Variants in CRACDL observed in about 807,000 individuals in gnomAD.
CRACDL encodes CRACD like, also known as CRACD-like protein.
In CRACDL, 26 loss-of-function variants were observed where a neutral mutation model predicts 70.6. That is an observed-to-expected ratio of 0.37 (90% CI 0.27 to 0.51). The LOEUF is 0.51. Ranked by LOEUF, CRACDL falls within the 20% of genes least tolerant of loss-of-function variation. CRACDL has a pLI of 0.94. For synonymous variants in CRACDL, 618 were observed against 615.2 expected (o/e 1.00, Z -0.07); for missense variants, 1,283 against 1,376.9 (o/e 0.93, Z 1.08).
In CRACDL at chr2:98,794,426, A is replaced by G; in HGVS notation, c.*106T>C. 1 of 1,066,296 alleles carries G rather than the reference A, an allele frequency of 9.4e-7. No individual in the cohort carries two copies. The highest frequency in any genetic ancestry group is 1.6e-5 in the African/African-American group (1 of 64,130). The allele number at this position is 1,066,296 out of a possible 1,614,324, so 66.1% of individuals were successfully genotyped here. On this transcript the variant is annotated 3_prime_UTR_variant, in exon 10 of 10. Transcript: ENST00000397899. ...CCCAAGTTCGTCATAACTTGATGAT[A>G]AAATCAATCTTTAAGTTTCACAGTT...
intron 1 of CRACDL, among the ~76,000 whole-genome samples, chr2:98,887,301 A>C (rs1707825794): frequency 6.6e-6 from 1 of 152,144 alleles, no homozygotes; most frequent in South Asian, 2.1e-4. Flanking sequence ...CTTGGGCAAC[A>C]TAGCAAGGTC....
rs1705102084 is a variant in CRACDL, at chr2:98,822,479, C to T, written c.1794G>A (p.Leu598=). 6.8e-7 allele frequency: 1 copy of T among 1,471,026 alleles called. No individual in the cohort carries two copies. The highest frequency in any genetic ancestry group is 8.9e-7 in the Non-Finnish European group (1 of 1,119,210). The allele number at this position is 1,471,026 out of a possible 1,614,324, so 91.1% of individuals were successfully genotyped here. The change falls in exon 7 of 10, where the codon CTG becomes CTA. Residue 598 remains leucine, a synonymous_variant. Transcript: ENST00000397899. This position sits in a 1 kb window ranked among gnomAD's most constrained non-coding sequence, Gnocchi z 4.9. ...AGACCGGGCCGCTCCTCGCGAGGGGCAGGCGGCCGCTGGCCCGTTCCAGCG... is the reference window on the plus strand; with the variant it reads ...AGACCGGGCCGCTCCTCGCGAGGGGTAGGCGGCCGCTGGCCCGTTCCAGCG... ...SRPLERASGR[L]PLARSGPVWR... is the part of the protein sequence containing the mutation.
At chr2:98,906,247 A>AT (rs202035052) in intron 1 of CRACDL, among the ~76,000 whole-genome samples, 5,386 of 132,698 alleles carry the variant, frequency 0.041, 328 homozygotes, top group African/African-American at 0.14. Flanking sequence ...AATTCTTTTT[A>AT]TTTTTTCTTT....
chr2:98,797,289 C>G (rs1703864651), intron 8 of CRACDL, 61 bp downstream of exon 8: 2 of 1,535,476 alleles, frequency 1.3e-6, no homozygotes, highest in Admixed American at 3.4e-5. Context: ...GGGTCCTCGC[C>G]CCAGTCCCAG....
At chr2:98,934,244 G>C (rs149389851) in intron 1 of CRACDL, among the ~76,000 whole-genome samples, 1,743 of 144,298 alleles carry the variant, frequency 0.012, 36 homozygotes, top group African/African-American at 0.043. Flanking sequence ...TGCTGCCCAG[G>C]CTGGAGTGCA....
chr2:98,800,917 G>A (rs1187582596), intron 7 of CRACDL, among the ~76,000 whole-genome samples: 2 of 152,224 alleles, frequency 1.3e-5, no homozygotes, highest in African/African-American at 4.8e-5. Context: ...TGTGGGGTAG[G>A]AATGTTTCCA....
intron 1 of CRACDL, among the ~76,000 whole-genome samples, chr2:98,895,153 C>T (rs1708086160): frequency 6.6e-6 from 1 of 152,162 alleles, no homozygotes; most frequent in African/African-American, 2.4e-5. Context: ...GCTCTGGGAT[C>T]TCATAGATGC....
intron 1 of CRACDL, among the ~76,000 whole-genome samples, chr2:98,864,172 GGATA>G (rs1468391596): frequency 6.6e-6 from 1 of 152,028 alleles, no homozygotes; most frequent in Non-Finnish European, 1.5e-5. Context: ...ATCCATCTCT[GGATA>G]GATAGAATAA....
At chr2:98,846,389 C>T (rs1706253442) in intron 2 of CRACDL, among the ~76,000 whole-genome samples, 2 of 152,100 alleles carry the variant, frequency 1.3e-5, no homozygotes, top group Non-Finnish European at 2.9e-5. Context: ...CCTACTGATG[C>T]CTTTGGATAT....
intron 1 of CRACDL, among the ~76,000 whole-genome samples, chr2:98,888,926 G>A (rs570457871): frequency 6.6e-6 from 1 of 152,064 alleles, no homozygotes; most frequent in South Asian, 2.1e-4. Flanking sequence ...TCAGGAGATT[G>A]AGACCATCCT....
chr2:98,801,591 G>A (rs1334184360), intron 7 of CRACDL, among the ~76,000 whole-genome samples: 2 of 152,210 alleles, frequency 1.3e-5, no homozygotes, highest in Non-Finnish European at 2.9e-5. Context: ...CACGACCTAT[G>A]CCTCCCAGTG....
intron 1 of CRACDL, among the ~76,000 whole-genome samples, chr2:98,921,812 C>T (rs1227039007): frequency 6.6e-6 from 1 of 152,148 alleles, no homozygotes; most frequent in Non-Finnish European, 1.5e-5. Flanking sequence ...TACGCCAAGC[C>T]ACCGGCCAGC....
intron 7 of CRACDL, among the ~76,000 whole-genome samples, chr2:98,806,096 C>T (rs1255316588): frequency 1.3e-5 from 2 of 152,214 alleles, no homozygotes; most frequent in Admixed American, 1.3e-4. Flanking sequence ...GTAGTATATC[C>T]ATCATGGGGT....
At chr2:98,820,996 CAT>C (rs1404449529) in intron 7 of CRACDL, among the ~76,000 whole-genome samples, 2 of 152,208 alleles carry the variant, frequency 1.3e-5, no homozygotes, top group African/African-American at 2.4e-5. Context: ...AATGAGTACA[CAT>C]GTCCTGGGAT....
chr2:98,851,344 G>A (rs932280775), intron 1 of CRACDL, among the ~76,000 whole-genome samples: 1 of 152,170 alleles, frequency 6.6e-6, no homozygotes, highest in African/African-American at 2.4e-5. Context: ...ACAAACTAGA[G>A]GGGCTTCTGG....
intron 1 of CRACDL, among the ~76,000 whole-genome samples, chr2:98,879,519 T>C (rs1167962912): frequency 6.6e-6 from 1 of 152,120 alleles, no homozygotes; most frequent in Non-Finnish European, 1.5e-5. Context: ...ACACCTAACA[T>C]TCCAAATCAT....
intron 1 of CRACDL, among the ~76,000 whole-genome samples, chr2:98,927,762 G>C (rs1379737292): frequency 6.6e-6 from 1 of 152,174 alleles, no homozygotes; most frequent in Non-Finnish European, 1.5e-5. Flanking sequence ...CCCAGAGAAG[G>C]CTCGTGGACT....
intron 3 of CRACDL, among the ~76,000 whole-genome samples, chr2:98,833,932 G>C (rs1705658344): frequency 6.6e-6 from 1 of 152,200 alleles, no homozygotes; most frequent in East Asian, 1.9e-4. Flanking sequence ...TCCAACTGTA[G>C]ATCAAACTGT....
intron 1 of CRACDL, among the ~76,000 whole-genome samples, chr2:98,920,898 G>C (rs1708787194): frequency 6.6e-6 from 1 of 152,170 alleles, no homozygotes; most frequent in Non-Finnish European, 1.5e-5. Context: ...TGACAAACTG[G>C]ATCAAAGAAA....
Sources: gnomAD v4.1 joint callset for allele counts (sites outside exome capture counted in the v4.1 genomes callset) on GRCh38, gnomAD v4.1.1 for gene constraint, Gnocchi (gnomAD v3.1) non-coding constraint, MANE v1.5 for transcripts, NCBI Gene and HGNC (gene_info 2026-07-23, HGNC 2026-07-21) for gene names.